CACNA1A: variants seen among roughly 807,000 people sequenced by gnomAD.
CACNA1A encodes calcium voltage-gated channel subunit alpha1 A, also known as voltage-dependent P/Q-type calcium channel subunit alpha-1A.
In CACNA1A, 57 loss-of-function variants were observed where a neutral mutation model predicts 262.4. The observed-to-expected ratio is 0.22, with a 90% CI of 0.18 to 0.27. The LOEUF is 0.27. Among genes scored for constraint, CACNA1A ranks in the 10% least tolerant of loss-of-function variants. The pLI is 1.00. For missense variants in CACNA1A, 2,526 were observed against 3,562.8 expected, an observed-to-expected ratio of 0.71 and a Z score of 7.41; for synonymous variants, 1,431 against 1,419.3, an observed-to-expected ratio of 1.01 and a Z score of -0.18.
At chr19:13,233,742 C>T (rs867212037) in intron 34 of CACNA1A, among the ~76,000 whole-genome samples, 21 of 152,264 alleles carry the variant, frequency 1.4e-4, no homozygotes, top group Admixed American at 3.9e-4. Context: ...CCTCCCACCT[C>T]GGCCTCCCAA....
Position 13,212,359 on chromosome 19 carries a change from T to A in CACNA1A, c.6189+25A>T, listed in dbSNP as rs200495103. On this transcript the variant is annotated intron_variant, in intron 42 of 46. Coordinates refer to ENST00000360228, the MANE Select transcript of CACNA1A (RefSeq NM_001127222.2). This position sits in a 1 kb window ranked among gnomAD's most constrained non-coding sequence, Gnocchi z 5.6. ...TGAACCACCCGGGCCCTGGGAGCCATTGGGGAGTTGGGGGACAGAGGCACC... is the reference window on the plus strand; with the variant it reads ...TGAACCACCCGGGCCCTGGGAGCCAATGGGGAGTTGGGGGACAGAGGCACC... 1 of 1,612,936 alleles carries A rather than the reference T, an allele frequency of 6.2e-7. No homozygotes were observed. The highest frequency in any genetic ancestry group is 2.2e-5 in the East Asian group (1 of 44,856).
intron 18 of CACNA1A, 134 bp from the exon 19 acceptor site, chr19:13,299,487 G>A: frequency 2.6e-6 from 2 of 774,574 alleles, no homozygotes; most frequent in East Asian, 2.4e-5. Context: ...AATGCTAGGA[G>A]TCTGTGAGCA....
intron 3 of CACNA1A, among the ~76,000 whole-genome samples, chr19:13,440,230 C>T (rs1323036436): frequency 1.3e-5 from 2 of 152,224 alleles, no homozygotes; most frequent in Admixed American, 6.5e-5. Context: ...TCCCAAAGTG[C>T]TGGGATTACA....
chr19:13,277,061 G>T lies in CACNA1A; in HGVS notation c.3882+8C>A. The stretch of plus-strand genomic sequence containing the variant: ...TACCGTGTGTTCTCACTTATAATCT[G>T]CACTCACCTTGATCACCATCTCAAA... On this transcript the variant is annotated splice_region_variant and intron_variant, in intron 23 of 46. Coordinates refer to ENST00000360228, the MANE Select transcript of CACNA1A (RefSeq NM_001127222.2). The T allele has an allele frequency of 6.3e-7, 1 of 1,598,542 alleles. No homozygotes were observed. The highest frequency in any genetic ancestry group is 8.6e-7 in the Non-Finnish European group (1 of 1,166,282).
chr19:13,471,839 G>A (rs1321148161), intron 1 of CACNA1A, among the ~76,000 whole-genome samples: 4 of 152,190 alleles, frequency 2.6e-5, no homozygotes, highest in African/African-American at 9.7e-5. Flanking sequence ...TTCTGGAGGG[G>A]TGGTGATGAA....
chr19:13,381,613 T>G (rs901027063), intron 3 of CACNA1A, among the ~76,000 whole-genome samples: 3 of 152,122 alleles, frequency 2.0e-5, no homozygotes, highest in Non-Finnish European at 2.9e-5. Context: ...CAGGGAAAAC[T>G]CTAGGCAAAT....
chr19:13,471,988 G>A (rs181301772), intron 1 of CACNA1A, among the ~76,000 whole-genome samples: 10 of 152,224 alleles, frequency 6.6e-5, no homozygotes, highest in African/African-American at 2.2e-4. Flanking sequence ...ATTGAGACAG[G>A]ATCTCACTCT....
intron 37 of CACNA1A, chr19:13,226,259 G>T (rs1210072180): frequency 4.6e-5 from 6 of 131,308 alleles, no homozygotes; most frequent in Non-Finnish European, 8.5e-5. Context: ...AAACCGGGGG[G>T]GGGGGGGGGG....
At chr19:13,302,186 G>A (rs1379267844) in intron 17 of CACNA1A, among the ~76,000 whole-genome samples, 1 of 152,106 alleles carries the variant, frequency 6.6e-6, no homozygotes, top group African/African-American at 2.4e-5. Flanking sequence ...CTCTCTGTGC[G>A]ACACACATCT....
At chr19:13,325,599 C>T (rs370022591) in intron 10 of CACNA1A, among the ~76,000 whole-genome samples, 5 of 152,126 alleles carry the variant, frequency 3.3e-5, no homozygotes, top group African/African-American at 9.7e-5. Flanking sequence ...CATGCCCAGC[C>T]GATTTTTGTA....
intron 1 of CACNA1A, among the ~76,000 whole-genome samples, chr19:13,493,397 GT>G (rs920225179): frequency 2.0e-5 from 3 of 152,136 alleles, no homozygotes; most frequent in Non-Finnish European, 2.9e-5. Flanking sequence ...TGCATCCCTG[GT>G]TTCTACCAGC....
chr19:13,227,586 G>A, intron 36 of CACNA1A, 59 bp from the exon 37 acceptor site: 4 of 925,932 alleles, frequency 4.3e-6, no homozygotes, highest in Admixed American at 2.3e-5. Context: ...AACGGGAATG[G>A]GAACAGAGAA....
chr19:13,227,339 C>CGGGT (rs1405977963), intron 37 of CACNA1A, 92 bp downstream of exon 37: 6 of 550,158 alleles, frequency 1.1e-5, no homozygotes, highest in Non-Finnish European at 2.0e-5. Context: ...GAGAGTCGGC[C>CGGGT]GGGTGTTTCT....
At chr19:13,338,146 C>G (rs4926272) in intron 6 of CACNA1A, among the ~76,000 whole-genome samples, 72,716 of 151,802 alleles carry the variant, frequency 0.48, 19,137 homozygotes, top group Admixed American at 0.6. Context: ...ACCCAGAAGG[C>G]GGAGCTTGCA....
At chr19:13,327,653 A>G (rs989008673) in intron 10 of CACNA1A, among the ~76,000 whole-genome samples, 1 of 148,790 alleles carries the variant, frequency 6.7e-6, no homozygotes, top group Admixed American at 6.7e-5. Flanking sequence ...AGCTCACTGC[A>G]GCCTCCGCCT....
chr19:13,457,418 C>A (rs535597038), intron 1 of CACNA1A, among the ~76,000 whole-genome samples: 1 of 152,154 alleles, frequency 6.6e-6, no homozygotes, highest in East Asian at 1.9e-4. Flanking sequence ...GGTATTCCAA[C>A]GAACACTCAT....
chr19:13,227,801 A>C, intron 36 of CACNA1A: 1 of 205,100 alleles, frequency 4.9e-6, no homozygotes, highest in Non-Finnish European at 9.8e-6. Flanking sequence ...AAAAGAGAAA[A>C]GTCAGATTCA....
chr19:13,247,602 A>G (rs1445674029), intron 30 of CACNA1A, among the ~76,000 whole-genome samples: 1 of 151,590 alleles, frequency 6.6e-6, no homozygotes, highest in East Asian at 1.9e-4. Flanking sequence ...CCGGAGGCTG[A>G]GGCAGGAGAA....
At chr19:13,394,895 T>C (rs1364017110) in intron 3 of CACNA1A, among the ~76,000 whole-genome samples, 1 of 152,154 alleles carries the variant, frequency 6.6e-6, no homozygotes, top group Non-Finnish European at 1.5e-5. Flanking sequence ...ACCAGACCTC[T>C]TTTCCCCAAA....
Sources: allele counts gnomAD v4.1 joint callset (sites outside exome capture counted in the v4.1 genomes callset), GRCh38; gene constraint gnomAD v4.1.1; non-coding constraint Gnocchi (gnomAD v3.1); transcripts MANE v1.5; gene names NCBI Gene and HGNC (gene_info 2026-07-23, HGNC 2026-07-21).